The following ODF2L variants were observed in gnomAD, a reference collection of about 807,000 sequenced individuals.
The protein encoded by ODF2L is protein BCAP.
ODF2L carries 76 observed loss-of-function variants against 86.3 expected under a neutral mutation model. The observed-to-expected ratio is 0.88, with a 90% CI of 0.73 to 1.07. The LOEUF (loss-of-function observed/expected upper bound fraction) is 1.07, where lower values mean the gene tolerates loss of function less well. Among genes scored for constraint, ODF2L ranks in the 50% least tolerant of loss-of-function variants. The pLI is 0.00. For synonymous variants in ODF2L, 241 were observed against 231.3 expected (o/e 1.04, Z -0.38); for missense variants, 748 against 717.4 (o/e 1.04, Z -0.49).
downstream of ODF2L, chr1:86,347,077 C>T (rs933328812): frequency 6.6e-6 from 1 of 152,218 alleles, no homozygotes; most frequent in South Asian, 2.1e-4. Context: ...GCTGCTGCTG[C>T]GCTGCTGCTA....
At chr1:86,366,419 C>T (rs1012601480) in intron 11 of ODF2L, among the ~76,000 whole-genome samples, 140 of 144,510 alleles carry the variant, frequency 9.7e-4, no homozygotes, top group African/African-American at 3.5e-3. Flanking sequence ...CACACACACA[C>T]ACACACACAC....
intron 1 of ODF2L, among the ~76,000 whole-genome samples, chr1:86,388,065 C>G (rs897768454): frequency 6.6e-6 from 1 of 151,854 alleles, no homozygotes; most frequent in African/African-American, 2.4e-5. Context: ...ACTATAGAGA[C>G]AAATATTTAG....
At chr1:86,389,358 C>G (rs544084060) in intron 1 of ODF2L, among the ~76,000 whole-genome samples, 2 of 152,000 alleles carry the variant, frequency 1.3e-5, no homozygotes, top group Non-Finnish European at 2.9e-5. Flanking sequence ...AAGAGTGACA[C>G]TATCTATCAA....
intron 6 of ODF2L, 60 bp downstream of exon 6, chr1:86,382,871 A>G (rs1660683886): frequency 1.2e-6 from 1 of 821,682 alleles, no homozygotes; most frequent in Non-Finnish European, 2.1e-6. Flanking sequence ...CAGGATGGGA[A>G]AAAAAAGGGA....
intron 1 of ODF2L, among the ~76,000 whole-genome samples, chr1:86,389,452 A>G (rs139315728): frequency 6.6e-5 from 10 of 152,286 alleles, no homozygotes; most frequent in East Asian, 1.9e-4. Flanking sequence ...AAAGAACACA[A>G]ACAGACAATG....
At chr1:86,374,916 CCCTTA>C (rs1660065514) in intron 8 of ODF2L, 1 of 152,090 alleles carries the variant, frequency 6.6e-6, no homozygotes, top group Non-Finnish European at 1.5e-5. Flanking sequence ...AATAATGGTA[CCCTTA>C]CCTTAGGTGA....
intron 13 of ODF2L, 36 bp from the exon 13 acceptor site, chr1:86,356,638 A>C: frequency 1.3e-6 from 2 of 1,577,720 alleles, no homozygotes; most frequent in Non-Finnish European, 1.7e-6. Context: ...GTGCAAGATC[A>C]CACATTCAGC....
intron 11 of ODF2L, among the ~76,000 whole-genome samples, chr1:86,364,696 T>C (rs967428374): frequency 6.6e-6 from 1 of 152,140 alleles, no homozygotes; most frequent in East Asian, 1.9e-4. Flanking sequence ...TCCTCCATCT[T>C]GTTGCTTGAA....
rs532892663 is a variant in ODF2L at position 86,365,281 on chromosome 1, T to C, written c.1143+3355A>G. ...CAAGTGCCTCCTACATTAATGGTAA[T>C]TGATAAATAGTAGCCATTACGGTTG... On this transcript the variant is annotated intron_variant, in intron 11 of 17. Coordinates refer to ENST00000317336, the Ensembl canonical transcript of ODF2L. Among the ~76,000 whole-genome samples, 9 of 152,274 alleles carry C rather than the reference T, an allele frequency of 5.9e-5. No individual in the cohort carries two copies. The South Asian group carries it at 8.3e-4, about 14-fold the overall frequency.
At chr1:86,359,983 T>G (rs531617845) in intron 12 of ODF2L, among the ~76,000 whole-genome samples, 7 of 152,232 alleles carry the variant, frequency 4.6e-5, no homozygotes, top group African/African-American at 1.7e-4. Context: ...TTCATATATA[T>G]TGTCATATGT....
At chr1:86,373,336 C>T (rs1365097551) in intron 8 of ODF2L, among the ~76,000 whole-genome samples, 2 of 148,852 alleles carry the variant, frequency 1.3e-5, no homozygotes, top group African/African-American at 4.9e-5. Context: ...TGCAGTGGCA[C>T]GGTCATGATG....
intron 7 of ODF2L, chr1:86,381,997 A>T: frequency 6.3e-6 from 2 of 319,032 alleles, no homozygotes; most frequent in Non-Finnish European, 1.0e-5. Flanking sequence ...AATGATTTTT[A>T]AAGTAATTCA....
chr1:86,372,381 A>G lies in ODF2L; in HGVS notation c.920+50T>C, dbSNP rs564497548. 1.1e-5 allele frequency: 10 copies of G among 904,428 alleles called. No homozygotes were observed. In the East Asian group the frequency reaches 1.3e-4, roughly 11 times the overall value. 56.0% of individuals were successfully genotyped at this position (904,428 alleles called of 1,614,324 possible). A position where few individuals can be genotyped will look rare whatever the true frequency, so the allele number is the denominator to read the frequency against. On this transcript the variant is annotated intron_variant, in intron 9 of 17. Transcript: ENST00000317336. The stretch of plus-strand genomic sequence containing the variant: ...TACAAACAACTCAAAGAATTTTTTA[A>G]AAAGTGAAAACTCTTACTAAATAAT...
downstream of ODF2L, chr1:86,349,604 G>A (rs905780450): frequency 6.6e-6 from 1 of 152,176 alleles, no homozygotes; most frequent in South Asian, 2.1e-4. Context: ...AATGAGCTAG[G>A]CTGGGCAGTA....
chr1:86,393,265 A>T (rs1402857663), intron 1 of ODF2L, among the ~76,000 whole-genome samples: 1 of 152,228 alleles, frequency 6.6e-6, no homozygotes, highest in Non-Finnish European at 1.5e-5. Context: ...CACAGCTTCT[A>T]CTGAAAAAAG....
downstream of ODF2L, chr1:86,349,628 T>C (rs1054879645): frequency 6.6e-6 from 1 of 152,194 alleles, no homozygotes; most frequent in Non-Finnish European, 1.5e-5. Context: ...AGTCACAGGA[T>C]GAATACAATG....
At chr1:86,379,301 C>T (rs1181203463) in intron 7 of ODF2L, among the ~76,000 whole-genome samples, 2 of 152,164 alleles carry the variant, frequency 1.3e-5, no homozygotes, top group Non-Finnish European at 2.9e-5. Flanking sequence ...GGGACCAATG[C>T]TTCTCTATAA....
intron 16 of ODF2L, 89 bp downstream of exon 15, chr1:86,354,441 A>G (rs1658380049): frequency 2.4e-6 from 2 of 846,162 alleles, no homozygotes; most frequent in Non-Finnish European, 3.8e-6. Flanking sequence ...TCATCAGGAC[A>G]AAAACAATAA....
At chr1:86,382,909 C>CA in intron 6 of ODF2L, 22 bp downstream of exon 6, 1 of 1,321,920 alleles carries the variant, frequency 7.6e-7, no homozygotes, top group Non-Finnish European at 1.1e-6. Context: ...GAATTAAGCT[C>CA]AAAAGCTCAA....
Sources: allele counts gnomAD v4.1 joint callset (sites outside exome capture counted in the v4.1 genomes callset), GRCh38; gene constraint gnomAD v4.1.1; transcripts MANE v1.5; gene names NCBI Gene and HGNC (gene_info 2026-07-23, HGNC 2026-07-21).